The following DISP1 variants were observed in gnomAD, a reference collection of about 807,000 sequenced individuals.
DISP1 encodes the protein dispatched RND transporter family member 1, also known as protein dispatched homolog 1.
Under a neutral mutation model 37.3 loss-of-function variants are expected in DISP1, and 30 were observed. The ratio of observed to expected loss-of-function variants is 0.80; its 90% CI spans 0.60 to 1.09. The LOEUF (loss-of-function observed/expected upper bound fraction) is 1.09. Ranked by LOEUF, DISP1 falls within the 50% of genes least tolerant of loss-of-function variation. The pLI is 0.00. For synonymous variants in DISP1, 634 were observed against 690.2 expected, an observed-to-expected ratio of 0.92 and a Z score of 1.28; for missense variants, 1,598 against 1,879.5, an observed-to-expected ratio of 0.85 and a Z score of 2.77.
At chr1:222,897,690 A>G (rs767874916) in intron 1 of DISP1, among the ~76,000 whole-genome samples, 53 of 152,272 alleles carry the variant, frequency 3.5e-4, no homozygotes, top group Admixed American at 4.6e-4. Flanking sequence ...AGTTGTGGTT[A>G]AATCTAGAAA....
At chr1:222,817,311 G>C (rs4415571) in intron 1 of DISP1, among the ~76,000 whole-genome samples, 9,954 of 152,236 alleles carry the variant, frequency 0.065, 418 homozygotes, top group Non-Finnish European at 0.087. Flanking sequence ...TACAGTGTCT[G>C]TATTGGAAGA....
At chr1:222,866,437 C>T (rs758854244) in intron 1 of DISP1, among the ~76,000 whole-genome samples, 18 of 152,118 alleles carry the variant, frequency 1.2e-4, no homozygotes, top group Admixed American at 1.2e-3. Context: ...CTCTGCCTCC[C>T]AGGTTCAAGT....
In DISP1 at chr1:223,002,869, T is replaced by G; in HGVS notation, c.1472T>G (p.Ile491Ser). ...ACCATCACCGGGATTGAGTTTGGTA[T>G]CAAACACAGTTTGTTTCAGGATTAT... ...VTTITGIEFG[I>S]KHSLFQDYLL... Residue 491 changes from isoleucine to serine, a missense_variant, in exon 9 of 9, where the codon ATC becomes AGC. By Grantham distance (142) the Ile-to-Ser change is moderately radical (BLOSUM62 -2). Transcript: ENST00000675850. 1 of 1,613,988 alleles carries G rather than the reference T, an allele frequency of 6.2e-7. No individual in the cohort carries two copies. The highest frequency in any genetic ancestry group is 8.5e-7 in the Non-Finnish European group (1 of 1,180,020).
Position 222,983,063 on chromosome 1 carries a change from G to C in DISP1, c.510-17G>C. On this transcript the variant is annotated splice_polypyrimidine_tract_variant and intron_variant, in intron 3 of 8. Coordinates refer to ENST00000675850, the MANE Select transcript of DISP1 (RefSeq NM_001377229.1). ...CTCTGTTTTTGATCATTTTTCCTTT[G>C]CTTTTTTTTTTTTCAGACCATCCAG... 6.4e-7 allele frequency: 1 copy of C among 1,567,136 alleles called. No homozygotes were observed. The highest frequency in any genetic ancestry group is 8.7e-7 in the Non-Finnish European group (1 of 1,154,204).
At chr1:222,838,446 A>G (rs1667383588) in intron 1 of DISP1, among the ~76,000 whole-genome samples, 1 of 151,792 alleles carries the variant, frequency 6.6e-6, no homozygotes, top group South Asian at 2.1e-4. Context: ...TTCCAATGTT[A>G]TTATATATTT....
intron 3 of DISP1, among the ~76,000 whole-genome samples, chr1:222,956,229 G>A (rs1251140809): frequency 1.3e-5 from 2 of 152,130 alleles, no homozygotes; most frequent in African/African-American, 4.8e-5. Context: ...ACCTGACACT[G>A]AAAGTTTCCC....
chr1:222,841,681 T>G (rs965308675), intron 1 of DISP1, among the ~76,000 whole-genome samples: 1 of 152,208 alleles, frequency 6.6e-6, no homozygotes, highest in Non-Finnish European at 1.5e-5. Flanking sequence ...TTGTCTTTTA[T>G]CATCAAGCTA....
chr1:222,999,778 G>C (rs573224202), intron 8 of DISP1, among the ~76,000 whole-genome samples: 1 of 152,066 alleles, frequency 6.6e-6, no homozygotes, highest in Non-Finnish European at 1.5e-5. Flanking sequence ...TAAATTCAGC[G>C]TGTTGGCATC....
chr1:222,940,326 A>T (rs1040827697), intron 2 of DISP1, among the ~76,000 whole-genome samples: 2 of 152,018 alleles, frequency 1.3e-5, no homozygotes, highest in African/African-American at 4.8e-5. Flanking sequence ...TTGGCCGGGG[A>T]CATGTGTCAC....
chr1:222,873,131 C>G (rs948676142), intron 1 of DISP1, among the ~76,000 whole-genome samples: 3 of 152,148 alleles, frequency 2.0e-5, no homozygotes, highest in Non-Finnish European at 2.9e-5. Flanking sequence ...GCACTGTGGT[C>G]TGAGAGACAG....
chr1:222,825,322 AAT>A (rs1356348004), intron 1 of DISP1, among the ~76,000 whole-genome samples: 1 of 152,174 alleles, frequency 6.6e-6, no homozygotes, highest in Non-Finnish European at 1.5e-5. Context: ...GCCATTTCAT[AAT>A]ATATATGTAT....
intron 1 of DISP1, among the ~76,000 whole-genome samples, chr1:222,834,967 T>C (rs556845338): frequency 8.5e-5 from 13 of 152,366 alleles, no homozygotes; most frequent in Admixed American, 7.2e-4. Flanking sequence ...GTGGGTATTA[T>C]TATTTTTTGA....
chr1:222,826,940 A>G (rs1664597222), intron 1 of DISP1, among the ~76,000 whole-genome samples: 1 of 152,214 alleles, frequency 6.6e-6, no homozygotes, highest in Non-Finnish European at 1.5e-5. Flanking sequence ...AGATTTCTAC[A>G]TATAACATTC....
chr1:222,858,236 A>G (rs1668657867), intron 1 of DISP1, among the ~76,000 whole-genome samples: 1 of 152,182 alleles, frequency 6.6e-6, no homozygotes, highest in Non-Finnish European at 1.5e-5. Flanking sequence ...TATCTATAGT[A>G]TCTATACTAG....
At chr1:222,975,576 T>G (rs1447715417) in intron 3 of DISP1, among the ~76,000 whole-genome samples, 1 of 152,248 alleles carries the variant, frequency 6.6e-6, no homozygotes, top group African/African-American at 2.4e-5. Context: ...ATTACCTTTT[T>G]TAAAAATTTC....
chr1:222,821,700 A>G (rs1321069604), intron 1 of DISP1, among the ~76,000 whole-genome samples: 1 of 151,964 alleles, frequency 6.6e-6, no homozygotes, highest in Non-Finnish European at 1.5e-5. Context: ...ACATGGTGAA[A>G]CTCTGTGTCT....
intron 3 of DISP1, among the ~76,000 whole-genome samples, chr1:222,959,595 G>A (rs1420985105): frequency 6.6e-6 from 1 of 151,456 alleles, no homozygotes; most frequent in African/African-American, 2.4e-5. Flanking sequence ...AGCTACTCAG[G>A]AGGCTGAGGC....
At chr1:222,881,180 T>C (rs1035203428) in intron 1 of DISP1, among the ~76,000 whole-genome samples, 1 of 152,122 alleles carries the variant, frequency 6.6e-6, no homozygotes, top group Non-Finnish European at 1.5e-5. Flanking sequence ...TGTCAATATC[T>C]TTTAGAATTT....
intron 1 of DISP1, among the ~76,000 whole-genome samples, chr1:222,820,866 G>T (rs938794868): frequency 3.3e-5 from 5 of 152,162 alleles, no homozygotes; most frequent in African/African-American, 1.2e-4. Flanking sequence ...CTGGCTGAGG[G>T]TGTTACTAGA....
Sources: allele counts gnomAD v4.1 joint callset (sites outside exome capture counted in the v4.1 genomes callset), GRCh38; gene constraint gnomAD v4.1.1; transcripts MANE v1.5; gene names NCBI Gene and HGNC (gene_info 2026-07-23, HGNC 2026-07-21).